Variants in PHF21A observed in about 807,000 individuals in gnomAD.
PHF21A encodes PHD finger protein 21A, also known as BHC80a.
In PHF21A, 11 loss-of-function variants were observed where a neutral mutation model predicts 82.5. The ratio of observed to expected loss-of-function variants is 0.13; its 90% CI spans 0.08 to 0.22. The LOEUF (loss-of-function observed/expected upper bound fraction) is 0.22, where lower values mean the gene tolerates loss of function less well. Among genes scored for constraint, PHF21A ranks in the 10% least tolerant of loss-of-function variants. The pLI, the probability that PHF21A is intolerant of heterozygous loss-of-function variation, is 1.00. For synonymous variants in PHF21A, 297 were observed against 302.8 expected (o/e 0.98, Z 0.20); for missense variants, 579 against 837.8 (o/e 0.69, Z 3.81).
chr11:46,021,735 G>T (rs993169812), intron 6 of PHF21A, among the ~76,000 whole-genome samples: 1 of 151,398 alleles, frequency 6.6e-6, no homozygotes, highest in East Asian at 2.0e-4. Context: ...TTTTTTTGTA[G>T]AGATGAGATC....
intron 6 of PHF21A, among the ~76,000 whole-genome samples, chr11:46,004,495 C>T (rs1359591969): frequency 1.3e-5 from 2 of 152,070 alleles, no homozygotes; most frequent in African/African-American, 4.8e-5. Flanking sequence ...ATATTAAAAG[C>T]TACTTAAAAC....
chr11:45,936,444 T>C (rs777751919), intron 17 of PHF21A, 50 bp downstream of exon 17: 1 of 1,110,470 alleles, frequency 9.0e-7, no homozygotes, highest in Admixed American at 2.1e-5. Context: ...CCAGTATTTT[T>C]TTCAAACAAG....
At chr11:45,949,255 A>G (rs541658100) in intron 13 of PHF21A, 147 bp downstream of exon 13, 15 of 709,074 alleles carry the variant, frequency 2.1e-5, no homozygotes, top group Non-Finnish European at 3.4e-5. Flanking sequence ...AATAAAAATG[A>G]TAAGTCAAAA....
At chr11:46,035,674 G>GT (rs1329237308) in intron 6 of PHF21A, among the ~76,000 whole-genome samples, 2 of 152,174 alleles carry the variant, frequency 1.3e-5, no homozygotes, top group African/African-American at 2.4e-5. Context: ...GGAAGAAGTA[G>GT]TTTTACACTG....
At chr11:46,079,090 AT>A (rs771768590) in intron 5 of PHF21A, 43 bp downstream of exon 5, 2 of 1,217,312 alleles carry the variant, frequency 1.6e-6, no homozygotes, top group South Asian at 2.8e-5. Flanking sequence ...ATTTTAAATT[AT>A]TTTTAAATTT....
At chr11:46,108,533 G>A (rs1022048296) in intron 1 of PHF21A, among the ~76,000 whole-genome samples, 2 of 146,180 alleles carry the variant, frequency 1.4e-5, no homozygotes. Context: ...GAGTATTATG[G>A]TATAATTAAA....
intron 6 of PHF21A, among the ~76,000 whole-genome samples, chr11:45,988,037 T>C (rs1435264879): frequency 2.0e-5 from 3 of 152,158 alleles, no homozygotes; most frequent in Admixed American, 6.5e-5. Context: ...AGTACAGTGA[T>C]GATGCTAAAT....
rs60788619 is a variant in PHF21A at position 46,121,181 on chromosome 11, A to ACTCT, written c.-487_-484dup. 2,349 of 125,672 alleles carry ACTCT rather than the reference A, an allele frequency of 0.019. 74 individuals carry two copies. The highest frequency in any genetic ancestry group is 0.058 in the African/African-American group (1,831 of 31,664). 7.8% of individuals were successfully genotyped at this position (125,672 alleles called of 1,614,324 possible). The stretch of plus-strand genomic sequence containing the variant: ...CTCTCCTCTCCTCTCTCTCTCACTC[A>ACTCT]CTCTCTCTCTCTCTCTCTCTCTGGG... On this transcript the variant is annotated 5_prime_UTR_variant, in exon 1 of 19. Transcript: ENST00000676320.
intron 6 of PHF21A, among the ~76,000 whole-genome samples, chr11:46,024,321 T>C (rs1342596364): frequency 1.3e-5 from 2 of 151,978 alleles, no homozygotes; most frequent in African/African-American, 4.8e-5. Flanking sequence ...TCCTCTGTCC[T>C]TCTCTTTTTC....
chr11:45,970,300 C>A, intron 8 of PHF21A: 1 of 197,640 alleles, frequency 5.1e-6, no homozygotes, highest in South Asian at 8.6e-5. Flanking sequence ...TGGCTTTATT[C>A]CTATAGAAAA....
At chr11:45,988,751 A>G (rs1301127262) in intron 6 of PHF21A, among the ~76,000 whole-genome samples, 1 of 152,092 alleles carries the variant, frequency 6.6e-6, no homozygotes, top group Non-Finnish European at 1.5e-5. Flanking sequence ...TTAGCCAGGC[A>G]TGGTGGTGGC....
chr11:46,119,724 CA>C (rs1167752103), intron 1 of PHF21A: 3 of 143,784 alleles, frequency 2.1e-5, no homozygotes, highest in Non-Finnish European at 4.5e-5. Flanking sequence ...TGCTACCCAC[CA>C]TCGCGAACGT....
At chr11:46,011,446 G>A (rs1436196475) in intron 6 of PHF21A, among the ~76,000 whole-genome samples, 1 of 151,972 alleles carries the variant, frequency 6.6e-6, no homozygotes, top group East Asian at 1.9e-4. Context: ...GAGCGGAGAT[G>A]GTGCCACTGC....
At position 46,079,114 on chromosome 11, in the gene PHF21A, A is replaced by G. The variant is rs770127878; in HGVS notation, c.87+20T>C. ...TATTTTTAAATTTAACAATTAAATG[A>G]ATAACAATAGTAGTTTTACCTGTGG... is the stretch of plus-strand genomic sequence containing the variant. On this transcript the variant is annotated intron_variant, in intron 5 of 18. Coordinates refer to ENST00000676320, the MANE Select transcript of PHF21A (RefSeq NM_001352027.3). 1 of 1,458,194 alleles carries G rather than the reference A, an allele frequency of 6.9e-7. No homozygotes were observed. Among genetic ancestry groups the G allele is most frequent in the Admixed American group, 1.8e-5 (1 of 54,170 alleles). The allele number at this position is 1,458,194 out of a possible 1,614,324, so 90.3% of individuals were successfully genotyped here. A position where few individuals can be genotyped will look rare whatever the true frequency, so the allele number is the denominator to read the frequency against.
intron 1 of PHF21A, among the ~76,000 whole-genome samples, chr11:46,107,630 G>C (rs902273801): frequency 6.6e-6 from 1 of 152,078 alleles, no homozygotes; most frequent in Non-Finnish European, 1.5e-5. Context: ...GATTAGAAAG[G>C]CTTTTTTAAA....
intron 6 of PHF21A, among the ~76,000 whole-genome samples, chr11:46,036,495 T>C (rs1349141069): frequency 6.6e-6 from 1 of 152,238 alleles, no homozygotes; most frequent in Non-Finnish European, 1.5e-5. Flanking sequence ...AATTTATAGA[T>C]TTCAGGATAA....
At chr11:46,005,738 A>G (rs2095279497) in intron 6 of PHF21A, among the ~76,000 whole-genome samples, 1 of 152,212 alleles carries the variant, frequency 6.6e-6, no homozygotes, top group African/African-American at 2.4e-5. Flanking sequence ...AAAGAATAAT[A>G]TTTGTAGCAC....
chr11:46,068,232 A>G (rs996012808), intron 6 of PHF21A, among the ~76,000 whole-genome samples: 4 of 152,194 alleles, frequency 2.6e-5, no homozygotes, highest in African/African-American at 9.6e-5. Flanking sequence ...CCATGGGCCT[A>G]GTATCATGCC....
At chr11:45,971,085 G>T in intron 8 of PHF21A, 31 bp downstream of exon 8, 2 of 1,612,022 alleles carry the variant, frequency 1.2e-6, no homozygotes, top group South Asian at 2.2e-5. Flanking sequence ...CTTCTCATGT[G>T]ATCACACATG....
Sources: allele counts gnomAD v4.1 joint callset (sites outside exome capture counted in the v4.1 genomes callset), GRCh38; gene constraint gnomAD v4.1.1; transcripts MANE v1.5; gene names NCBI Gene and HGNC (gene_info 2026-07-23, HGNC 2026-07-21).